The following EPHB6 variants were observed in gnomAD, a reference collection of about 807,000 sequenced individuals.
EPHB6 encodes the protein EPH receptor B6, also known as ephrin type-B receptor 6.
EPHB6 carries 51 observed loss-of-function variants against 107.0 expected under a neutral mutation model. That is an observed-to-expected ratio of 0.48 (90% CI 0.38 to 0.60). EPHB6 has a LOEUF of 0.60. Among genes scored for constraint, EPHB6 ranks in the 20% least tolerant of loss-of-function variants. The pLI is 0.00. For missense variants in EPHB6, 1,141 were observed against 1,355.5 expected, an observed-to-expected ratio of 0.84 and a Z score of 2.48; for synonymous variants, 553 against 549.0, an observed-to-expected ratio of 1.01 and a Z score of -0.10.
intron 1 of EPHB6, among the ~76,000 whole-genome samples, chr7:142,856,406 AAGG>A (rs1586143088): frequency 6.6e-6 from 1 of 152,180 alleles, no homozygotes; most frequent in African/African-American, 2.4e-5. Context: ...GTGGCCTCAG[AAGG>A]AGGACTTGTT....
chr7:142,864,392 A>G lies in EPHB6; in HGVS notation c.592A>G (p.Lys198Glu). ...GCGGGCTGGACTGCAACTGAACGTC[A>G]AAGAGCGGAGCTTTGGGCCTCTCAC... ...GQRAGLQLNV[K>E]ERSFGPLTQR... Residue 198 changes from lysine to glutamate, a missense_variant, in exon 7 of 20, where the codon AAA (lysine) becomes GAA (glutamate). By Grantham distance (56) the Lys-to-Glu change is moderately conservative. Transcript: ENST00000652003. 1 of 1,613,072 alleles carries G rather than the reference A, an allele frequency of 6.2e-7. No individual in the cohort carries two copies. Among genetic ancestry groups the G allele is most frequent in the Non-Finnish European group, 8.5e-7 (1 of 1,179,810 alleles).
Position 142,863,244 on chromosome 7 carries a change from C to T in EPHB6, c.17C>T (p.Ala6Val), listed in dbSNP as rs769299183. The change falls in exon 5 of 20, where the codon GCT becomes GTT. Residue 6 changes from alanine to valine, a missense_variant. This residue lies in a region of EPHB6 where 221 missense variants were observed against 300.5 expected (regional missense o/e 0.74). Coordinates refer to ENST00000652003, the MANE Select transcript of EPHB6 (RefSeq NM_004445.6). ...AGATGTCCCATGGCTACTGAAGGGG[C>T]TGCCCAGTTAGGGAACAGAGTGGCG... Reference protein sequence around the residue: MATEGAAQLGNRVAGM... With the variant: MATEGVAQLGNRVAGM... 16 of 1,613,930 alleles carry T rather than the reference C, an allele frequency of 9.9e-6. No homozygotes were observed. In the South Asian group the frequency reaches 1.8e-4, roughly 18 times the overall value.
rs1220604403 is a variant in EPHB6 at position 142,870,372 on chromosome 7, A to G, written c.2769A>G (p.Pro923=). ...CATTTGACAAGATGATCCGCAAGCC[A>G]GATACCCTGCAGGCTGGCGGGGACC... The part of the protein sequence containing the change: ...VAAFDKMIRK[P]DTLQAGGDPG... Residue 923 remains proline, a synonymous_variant, in exon 18 of 20, where the codon CCA becomes CCG. Transcript: ENST00000652003. 1 of 1,614,202 alleles carries G rather than the reference A, an allele frequency of 6.2e-7. No individual in the cohort carries two copies. The highest frequency in any genetic ancestry group is 8.5e-7 in the Non-Finnish European group (1 of 1,180,034).
Position 142,870,866 on chromosome 7 carries a change from C to CA in EPHB6, c.3032dup (p.Gln1012AlafsTer33). 2 of 1,614,070 alleles carry CA rather than the reference C, an allele frequency of 1.2e-6. No individual in the cohort carries two copies. Among genetic ancestry groups the CA allele is most frequent in the Non-Finnish European group, 1.7e-6 (2 of 1,179,970 alleles). On this transcript the variant is annotated frameshift_variant, in exon 20 of 20. Transcript: ENST00000652003. LOFTEE classifies it high-confidence loss of function. ...GCTGCTGCACCACATCCAGCTCCTT[C>CA]AGCAACACCTGAGGCAGCAGGGCTC... is the stretch of plus-strand genomic sequence containing the variant.
chr7:142,864,546 G>T lies in EPHB6; in HGVS notation c.746G>T (p.Ser249Ile). The change falls in exon 7 of 20, where the codon AGT becomes ATT. Residue 249 changes from serine (S) to isoleucine (I), a missense_variant. Physicochemically the swap from Ser to Ile is moderately radical, Grantham distance 142. Transcript: ENST00000652003. ...SFASFPETQA[S>I]GAGGASLVAA... The stretch of plus-strand genomic sequence containing the variant: ...GCTTCCTTTCCAGAGACGCAGGCCA[G>T]TGGGGCTGGGGGGGCCTCCCTGGTG... 1 of 1,613,352 alleles carries T rather than the reference G, an allele frequency of 6.2e-7. No individual in the cohort carries two copies. The highest frequency in any genetic ancestry group is 8.5e-7 in the Non-Finnish European group (1 of 1,179,934).
At position 142,864,064 on chromosome 7, in the gene EPHB6, T is replaced by C. The variant is rs200632641; in HGVS notation, c.264T>C (p.Asn88=). The C allele has an allele frequency of 5.6e-6, 9 of 1,614,006 alleles. No homozygotes were observed. The African/African-American group carries it at 6.7e-5, about 12-fold the overall frequency. The change falls in exon 7 of 20, where the codon AAT becomes AAC. Residue 88 remains asparagine (N), a synonymous_variant. Coordinates refer to ENST00000652003, the MANE Select transcript of EPHB6 (RefSeq NM_004445.6). ...CCCCTCCAGGCACCGGGCAGGACAA[T>C]TGGTTGCAGACACACTTTGTGGAGC... The part of the protein sequence containing the change: ...AGAPPGTGQD[N]WLQTHFVERR...
Position 142,868,686 on chromosome 7 carries a change from C to G in EPHB6, c.2233C>G (p.Leu745Val), listed in dbSNP as rs1279006707. The G allele has an allele frequency of 6.2e-7, 1 of 1,613,880 alleles. No homozygotes were observed. Among genetic ancestry groups the G allele is most frequent in the Non-Finnish European group, 8.5e-7 (1 of 1,180,036 alleles). ...GGGCGTGGTCACCAAGAGCCGACCCCTCATGGTGCTGACGGAGTTCATGGA... is the reference window on the plus strand; with the variant it reads ...GGGCGTGGTCACCAAGAGCCGACCCGTCATGGTGCTGACGGAGTTCATGGA... ...LEGVVTKSRP[L>V]MVLTEFMELG... is the part of the protein sequence containing the mutation. Residue 745 changes from leucine (L) to valine (V), a missense_variant, in exon 15 of 20, where the codon CTC becomes GTC. Physicochemically the swap from Leu to Val is conservative, Grantham distance 32. Coordinates refer to ENST00000652003, the MANE Select transcript of EPHB6 (RefSeq NM_004445.6). This position sits in a 1 kb window ranked among gnomAD's most constrained non-coding sequence, Gnocchi z 4.2.
In EPHB6 at chr7:142,869,023, GAGTGGCTGCTGCCATGC is replaced by G; in HGVS notation, c.2340_2356del (p.Ala781ProfsTer20). On this transcript the variant is annotated frameshift_variant, in exon 16 of 20. Transcript: ENST00000652003. LOFTEE classifies it high-confidence loss of function. This position sits in a 1 kb window ranked among gnomAD's most constrained non-coding sequence, Gnocchi z 4.5. ...CTGCAGCTGGTGGCCATGCAGCGGG[GAGTGGCTGCTGCCATGC>G]AGTACCTGTCCAGCTTTGCCTTCGT... 1 of 1,612,164 alleles carries G rather than the reference GAGTGGCTGCTGCCATGC, an allele frequency of 6.2e-7. No homozygotes were observed.
In EPHB6 at chr7:142,869,605, A is replaced by G. The variant is rs1020066619; in HGVS notation, c.2461-212A>G. The stretch of plus-strand genomic sequence containing the variant: ...AGATGCTTGATGTAAAACCCTTAAC[A>G]TATCTGAGCACATAGTAGTTGCTCC... On this transcript the variant is annotated intron_variant, in intron 16 of 19. Transcript: ENST00000652003. This position sits in a 1 kb window ranked among gnomAD's most constrained non-coding sequence, Gnocchi z 4.5. 5.3e-5 allele frequency among the ~76,000 whole-genome samples: 8 copies of G among 152,204 alleles called. No homozygotes were observed. Among genetic ancestry groups the G allele is most frequent in the African/African-American group, 1.7e-4 (7 of 41,436 alleles).
intron 7 of EPHB6, among the ~76,000 whole-genome samples, chr7:142,865,067 G>C (rs1187449331): frequency 6.6e-6 from 1 of 152,172 alleles, no homozygotes; most frequent in Admixed American, 6.5e-5. Flanking sequence ...GAGTCCTTTG[G>C]TTCCCATTCG....
intron 18 of EPHB6, 48 bp from the exon 19 acceptor site, chr7:142,870,482 G>C: frequency 6.2e-7 from 1 of 1,613,982 alleles, no homozygotes; most frequent in South Asian, 1.1e-5. Context: ...GAGGAGAGGG[G>C]CTAAGATGAA....
intron 8 of EPHB6, 116 bp from the exon 9 acceptor site, chr7:142,865,844 C>G: frequency 8.2e-7 from 1 of 1,222,958 alleles, no homozygotes. Flanking sequence ...CCCCACCCCA[C>G]GCTCTTCTGT....
chr7:142,867,151 A>G lies in EPHB6; in HGVS notation c.1750+83A>G, dbSNP rs1392647456. 35 of 1,519,832 alleles carry G rather than the reference A, an allele frequency of 2.3e-5. No individual in the cohort carries two copies. Among genetic ancestry groups the G allele is most frequent in the South Asian group, 2.1e-4 (17 of 82,672 alleles). 94.1% of individuals were successfully genotyped at this position (1,519,832 alleles called of 1,614,324 possible). On this transcript the variant is annotated intron_variant, in intron 11 of 19. Coordinates refer to ENST00000652003, the MANE Select transcript of EPHB6 (RefSeq NM_004445.6). This position sits in a 1 kb window ranked among gnomAD's most constrained non-coding sequence, Gnocchi z 5.3. ...AGGCCCAGGGACTGTCCGGCCTTGA[A>G]CCCTGGCCCCGTGCTTCCCAACCAG...
Position 142,871,060 on chromosome 7 carries a change from C to T in EPHB6, c.*156C>T. The T allele has an allele frequency of 2.7e-6, 2 of 750,820 alleles. No individual in the cohort carries two copies. The highest frequency in any genetic ancestry group is 3.1e-5 in the South Asian group (2 of 65,532). 46.5% of individuals were successfully genotyped at this position (750,820 alleles called of 1,614,324 possible). On this transcript the variant is annotated 3_prime_UTR_variant, in exon 20 of 20. Transcript: ENST00000652003. The stretch of plus-strand genomic sequence containing the variant: ...CTGGTCCTCCGCCTCTCCACCAGCC[C>T]CCTCCTCATTAAAGGGAAAGAAGGG...
chr7:142,870,858 A>T lies in EPHB6; in HGVS notation c.3023A>T (p.Gln1008Leu), dbSNP rs200764131. The T allele has an allele frequency of 6.6e-5, 107 of 1,613,956 alleles. No homozygotes were observed. The highest frequency in any genetic ancestry group is 8.8e-5 in the Non-Finnish European group (104 of 1,179,974). The stretch of plus-strand genomic sequence containing the variant: ...CAGAAGAAGCTGCTGCACCACATCC[A>T]GCTCCTTCAGCAACACCTGAGGCAG... ...GHQKKLLHHIQLLQQHLRQQG... is the reference protein window; with the variant it reads ...GHQKKLLHHILLLQQHLRQQG... The change falls in exon 20 of 20, where the codon CAG becomes CTG. Residue 1008 changes from glutamine (Q) to leucine (L), a missense_variant. Physicochemically the swap from Gln to Leu is moderately radical, Grantham distance 113. This residue lies in a region of EPHB6 where 616 missense variants were observed against 759.3 expected (regional missense o/e 0.81). Coordinates refer to ENST00000652003, the MANE Select transcript of EPHB6 (RefSeq NM_004445.6).
rs763074175 is a variant in EPHB6 at position 142,858,537 on chromosome 7, G to A, written c.-431-2515G>A. 7.5e-4 allele frequency among the ~76,000 whole-genome samples: 97 copies of A among 128,892 alleles called. 1 individual carries two copies. The highest frequency in any genetic ancestry group is 2.5e-3 in the African/African-American group (87 of 34,694). The allele number at this position is 128,892 out of a possible 152,430, so 84.6% of individuals were successfully genotyped here. ...TGCAAGCTCTGCCTCCCGGGTTCAC[G>A]CCATTCTCCTGCCTCAGCCTCCCCA... On this transcript the variant is annotated intron_variant, in intron 1 of 19. Transcript: ENST00000652003.
chr7:142,869,909 C>T lies in EPHB6; in HGVS notation c.2553C>T (p.Leu851=). 1 of 1,614,166 alleles carries T rather than the reference C, an allele frequency of 6.2e-7. No individual in the cohort carries two copies. Among genetic ancestry groups the T allele is most frequent in the Non-Finnish European group, 8.5e-7 (1 of 1,180,024 alleles). Residue 851 remains leucine (L), a synonymous_variant, in exon 17 of 20, where the codon CTC becomes CTT. Transcript: ENST00000652003. The surrounding 1 kb of genome is among the most constrained non-coding windows in gnomAD (Gnocchi z 4.5). Reference sequence around the variant, plus strand: ...GTGATGTCTGGAGCTTTGGGATACTCATGTGGGAAGTGATGAGTTATGGAG... The same window carrying T: ...GTGATGTCTGGAGCTTTGGGATACTTATGTGGGAAGTGATGAGTTATGGAG... ...TSSDVWSFGI[L]MWEVMSYGER...
rs769143624 is a variant in EPHB6, at chr7:142,870,619, G to T, written c.2894G>T (p.Cys965Phe). ...TGGCTTTCAGCCATTGGACTGGAGT[G>T]CTACCAGGACAACTTCTCCAAGTTT... is the stretch of plus-strand genomic sequence containing the variant. ...QAWLSAIGLE[C>F]YQDNFSKFGL... Residue 965 changes from cysteine (C) to phenylalanine (F), a missense_variant, in exon 19 of 20, where the codon TGC (cysteine) becomes TTC (phenylalanine). Cys to Phe is a radical substitution (Grantham distance 205, BLOSUM62 -2). Coordinates refer to ENST00000652003, the MANE Select transcript of EPHB6 (RefSeq NM_004445.6). 6.7e-5 allele frequency: 108 copies of T among 1,614,160 alleles called. No individual in the cohort carries two copies. Among genetic ancestry groups the T allele is most frequent in the Non-Finnish European group, 8.6e-5 (101 of 1,180,060 alleles).
Position 142,866,096 on chromosome 7 carries a change from C to T in EPHB6, c.1242C>T (p.Arg414=). 1 of 1,612,280 alleles carries T rather than the reference C, an allele frequency of 6.2e-7. No homozygotes were observed. Among genetic ancestry groups the T allele is most frequent in the Non-Finnish European group, 8.5e-7 (1 of 1,179,174 alleles). Residue 414 remains arginine, a synonymous_variant, in exon 9 of 20, where the codon CGC becomes CGT. Coordinates refer to ENST00000652003, the MANE Select transcript of EPHB6 (RefSeq NM_004445.6). The surrounding 1 kb of genome is among the most constrained non-coding windows in gnomAD (Gnocchi z 5.2). ...TCGTGTGCAAGGAGTGTGAAGGCCG[C>T]CAGGAACCTGCCAGCGGTGGTGGGG... The part of the protein sequence containing the change: ...FNVVCKECEG[R]QEPASGGGGT...
Sources: gnomAD v4.1 joint callset for allele counts (sites outside exome capture counted in the v4.1 genomes callset) on GRCh38, gnomAD v4.1.1 for gene constraint, gnomAD v4.1.1 regional missense constraint, Gnocchi (gnomAD v3.1) non-coding constraint, MANE v1.5 for transcripts, NCBI Gene and HGNC (gene_info 2026-07-23, HGNC 2026-07-21) for gene names.